RNF220: variants seen among roughly 807,000 people sequenced by gnomAD.
RNF220 encodes ring finger protein 220, also known as E3 ubiquitin-protein ligase RNF220.
In RNF220, 7 loss-of-function variants were observed where a neutral mutation model predicts 67.1. That is an observed-to-expected ratio of 0.10 (90% CI 0.06 to 0.20). The LOEUF (loss-of-function observed/expected upper bound fraction) is 0.20. Ranked by LOEUF, RNF220 falls within the 10% of genes least tolerant of loss-of-function variation. RNF220 has a pLI of 1.00. For synonymous variants in RNF220, 270 were observed against 283.2 expected, an observed-to-expected ratio of 0.95 and a Z score of 0.47; for missense variants, 565 against 740.3, an observed-to-expected ratio of 0.76 and a Z score of 2.75.
chr1:44,577,737 G>T (rs934414684), intron 2 of RNF220, among the ~76,000 whole-genome samples: 1 of 152,214 alleles, frequency 6.6e-6, no homozygotes, highest in South Asian at 2.1e-4. Flanking sequence ...AGGCCGAGGC[G>T]GGTGGATCAC....
At chr1:44,632,467 C>T (rs1573128112) in intron 6 of RNF220, 82 bp downstream of exon 6, 25 of 1,219,954 alleles carry the variant, frequency 2.0e-5, no homozygotes, top group Middle Eastern at 3.2e-4. Flanking sequence ...CCTGGCTTGC[C>T]TGGGTCTCTT....
Position 44,651,159 on chromosome 1 carries a change from T to C in RNF220, c.*384T>C, listed in dbSNP as rs945582331. On this transcript the variant is annotated 3_prime_UTR_variant, in exon 15 of 15. Coordinates refer to ENST00000361799, the MANE Select transcript of RNF220 (RefSeq NM_018150.4). ...AAGCACATGTAATATAGACCGTGTA[T>C]GTTTACAATGTTGTGTATAAATGGG... 3.7e-6 allele frequency: 1 copy of C among 271,080 alleles called. No homozygotes were observed. The highest frequency in any genetic ancestry group is 2.2e-5 in the African/African-American group (1 of 46,406). 16.8% of individuals were successfully genotyped at this position (271,080 alleles called of 1,614,324 possible).
At chr1:44,493,410 A>G (rs1210277637) in intron 2 of RNF220, among the ~76,000 whole-genome samples, 1 of 152,120 alleles carries the variant, frequency 6.6e-6, no homozygotes, top group East Asian at 1.9e-4. Flanking sequence ...GCTACTCGGG[A>G]GGTTGAGGCA....
chr1:44,499,169 G>A (rs1167549319), intron 2 of RNF220, among the ~76,000 whole-genome samples: 1 of 152,052 alleles, frequency 6.6e-6, no homozygotes. Context: ...TCTAGTAATT[G>A]TCTCCCTGAA....
At chr1:44,576,363 T>G (rs1279940539) in intron 2 of RNF220, among the ~76,000 whole-genome samples, 1 of 152,174 alleles carries the variant, frequency 6.6e-6, no homozygotes, top group African/African-American at 2.4e-5. Context: ...ATGGAAGCCA[T>G]GGGATTCCAG....
intron 2 of RNF220, among the ~76,000 whole-genome samples, chr1:44,588,710 G>A (rs575762921): frequency 1.3e-5 from 2 of 152,246 alleles, no homozygotes; most frequent in East Asian, 3.8e-4. Flanking sequence ...TGCTGGGCCA[G>A]GGGGCAGAGG....
chr1:44,536,966 C>A (rs972695365), intron 2 of RNF220, among the ~76,000 whole-genome samples: 5 of 151,160 alleles, frequency 3.3e-5, no homozygotes, highest in African/African-American at 1.2e-4. Context: ...ATGCCTCCCC[C>A]ACCCTCCCTC....
rs148589229 is a variant in RNF220, at chr1:44,649,502, A to C, written c.1446-159A>C. On this transcript the variant is annotated intron_variant, in intron 12 of 14. Coordinates refer to ENST00000361799, the MANE Select transcript of RNF220 (RefSeq NM_018150.4). The surrounding 1 kb of genome is among the most constrained non-coding windows in gnomAD (Gnocchi z 5.9). ...GAGAGGGTGAGGAGTTTAGTTCTGG[A>C]ATGTGGAATTTGCAGATTCAGGTTA... The C allele has an allele frequency of 1.2e-4, 77 of 661,204 alleles. No individual in the cohort carries two copies. The highest frequency in any genetic ancestry group is 1.1e-3 in the African/African-American group (62 of 55,750). The allele number at this position is 661,204 out of a possible 1,614,324, so 41.0% of individuals were successfully genotyped here.
At chr1:44,411,886 C>T (rs1648002937) in intron 1 of RNF220, 95 bp from the exon 2 acceptor site, 4 of 550,626 alleles carry the variant, frequency 7.3e-6, no homozygotes, top group Non-Finnish European at 1.3e-5. Flanking sequence ...CATCTGTGAG[C>T]CAGAAGGATG....
intron 2 of RNF220, among the ~76,000 whole-genome samples, chr1:44,430,073 A>G (rs1407685100): frequency 6.8e-6 from 1 of 147,220 alleles, no homozygotes; most frequent in Non-Finnish European, 1.5e-5. Context: ...AGATACAGAG[A>G]GAAAAAAAAA....
intron 2 of RNF220, among the ~76,000 whole-genome samples, chr1:44,461,484 C>T (rs1653755565): frequency 6.6e-6 from 1 of 152,142 alleles, no homozygotes; most frequent in African/African-American, 2.4e-5. Context: ...TGATCTGTTT[C>T]AGGAAAAGCA....
intron 2 of RNF220, among the ~76,000 whole-genome samples, chr1:44,570,078 G>A (rs189561229): frequency 6.6e-6 from 1 of 152,296 alleles, no homozygotes; most frequent in East Asian, 1.9e-4. Flanking sequence ...TGTTTTTCAG[G>A]TCCGAATGGA....
chr1:44,461,948 G>A (rs1219700032), intron 2 of RNF220, among the ~76,000 whole-genome samples: 3 of 92,488 alleles, frequency 3.2e-5, no homozygotes, highest in Admixed American at 1.2e-4. Context: ...TTTTTTTTGA[G>A]CCAGAGTCTT....
intron 2 of RNF220, among the ~76,000 whole-genome samples, chr1:44,536,271 C>A (rs552052774): frequency 1.3e-5 from 2 of 152,178 alleles, no homozygotes; most frequent in Admixed American, 1.3e-4. Flanking sequence ...GCAAGAACGA[C>A]GCATCTCCAG....
rs1220972033 is a variant in RNF220 at position 44,559,152 on chromosome 1, T to G, written c.626-55013T>G. The stretch of plus-strand genomic sequence containing the variant: ...CCTCACTTGCTTTCTAGTTCTCCCC[T>G]ACTCCCCTGCCCTTTCCACCTTGCC... On this transcript the variant is annotated intron_variant, in intron 2 of 14. Coordinates refer to ENST00000361799, the MANE Select transcript of RNF220 (RefSeq NM_018150.4). 2.6e-4 allele frequency among the ~76,000 whole-genome samples: 40 copies of G among 152,242 alleles called. 1 individual carries two copies. The highest frequency in any genetic ancestry group is 2.9e-5 in the Non-Finnish European group (2 of 68,036).
At chr1:44,549,138 G>A (rs749819079) in intron 2 of RNF220, among the ~76,000 whole-genome samples, 1 of 152,146 alleles carries the variant, frequency 6.6e-6, no homozygotes, top group Non-Finnish European at 1.5e-5. Context: ...AGTGAGCCAA[G>A]ATCACACCAG....
chr1:44,406,948 G>A (rs1249895171), intron 1 of RNF220, among the ~76,000 whole-genome samples: 1 of 152,218 alleles, frequency 6.6e-6, no homozygotes, highest in African/African-American at 2.4e-5. Flanking sequence ...CCGAAGTAGC[G>A]GGGACTAGGG....
intron 2 of RNF220, among the ~76,000 whole-genome samples, chr1:44,513,348 G>A (rs1362599714): frequency 2.0e-5 from 3 of 152,170 alleles, no homozygotes; most frequent in Middle Eastern, 3.2e-3. Flanking sequence ...GCTGCCTCCC[G>A]CATGCTTGCT....
chr1:44,417,069 A>G lies in RNF220; in HGVS notation c.625+4347A>G, dbSNP rs1188639000. ...GGACTCTACACTGGGCTTTTAGGAG[A>G]GTTGTTCTTGCTAGGGAGAATGTTT... On this transcript the variant is annotated intron_variant, in intron 2 of 14. Transcript: ENST00000361799. This position sits in a 1 kb window ranked among gnomAD's most constrained non-coding sequence, Gnocchi z 4.0. Among the ~76,000 whole-genome samples, 3 of 151,882 alleles carry G rather than the reference A, an allele frequency of 2.0e-5. No individual in the cohort carries two copies. The highest frequency in any genetic ancestry group is 2.9e-5 in the Non-Finnish European group (2 of 67,974).
Sources: allele counts gnomAD v4.1 joint callset (sites outside exome capture counted in the v4.1 genomes callset), GRCh38; gene constraint gnomAD v4.1.1; non-coding constraint Gnocchi (gnomAD v3.1); transcripts MANE v1.5; gene names NCBI Gene and HGNC (gene_info 2026-07-23, HGNC 2026-07-21).